NEK9: variants seen among roughly 807,000 people sequenced by gnomAD.
NEK9 encodes NIMA related kinase 9.
NEK9 carries 75 observed loss-of-function variants against 123.4 expected under a neutral mutation model. That is an observed-to-expected ratio of 0.61 (90% confidence interval 0.50 to 0.74). The LOEUF (loss-of-function observed/expected upper bound fraction) is 0.74. NEK9 is among the 30% of genes least tolerant of loss of function. The pLI, the probability that NEK9 is intolerant of heterozygous loss-of-function variation, is 0.00. For synonymous variants in NEK9, 438 were observed against 458.7 expected, an observed-to-expected ratio of 0.95 and a Z score of 0.58; for missense variants, 952 against 1,214.4, an observed-to-expected ratio of 0.78 and a Z score of 3.21.
chr14:75,120,817 G>T (rs1895305991), intron 3 of NEK9: 2 of 585,930 alleles, frequency 3.4e-6, no homozygotes, highest in Admixed American at 3.0e-5. Context: ...GTATGGTAAA[G>T]CAGACATGTA....
upstream of NEK9, chr14:75,127,140 G>T (rs1219617670): frequency 8.4e-6 from 4 of 478,556 alleles, no homozygotes; most frequent in Non-Finnish European, 1.5e-5. Context: ...CTAGTCTAGC[G>T]GCCAAGGCTT....
chr14:75,091,431 C>T lies in NEK9; in HGVS notation c.2281G>A (p.Glu761Lys), dbSNP rs758303771. Residue 761 changes from glutamate (E) to lysine (K), a missense_variant, in exon 19 of 22, where the codon GAA becomes AAA. By Grantham distance (56) the Glu-to-Lys change is moderately conservative. This residue lies in a region of NEK9 where 698 missense variants were observed against 875.6 expected (regional missense o/e 0.80). Transcript: ENST00000238616. ...PGGGGGGGGG[E>K]EEDSQQESET... ...GATTCCTGCTGACTGTCCTCTTCTTCACCACCGCCGCCCCCGCCGCCTCCT... is the reference window on the plus strand; with the variant it reads ...GATTCCTGCTGACTGTCCTCTTCTTTACCACCGCCGCCCCCGCCGCCTCCT... 1 of 1,610,934 alleles carries T rather than the reference C, an allele frequency of 6.2e-7. No individual in the cohort carries two copies. The highest frequency in any genetic ancestry group is 8.5e-7 in the Non-Finnish European group (1 of 1,178,816).
At chr14:75,114,873 T>C (rs1481989975) in intron 6 of NEK9, among the ~76,000 whole-genome samples, 1 of 152,138 alleles carries the variant, frequency 6.6e-6, no homozygotes, top group East Asian at 1.9e-4. Context: ...TATCAATTTA[T>C]ATATGAGAAA....
chr14:75,103,227 G>T (rs1166720665), intron 14 of NEK9, among the ~76,000 whole-genome samples: 1 of 150,720 alleles, frequency 6.6e-6, no homozygotes, highest in Non-Finnish European at 1.5e-5. Context: ...GACAATATCA[G>T]TGGTGAATTT....
intron 8 of NEK9, 85 bp downstream of exon 8, chr14:75,113,254 C>T (rs943609544): frequency 5.8e-6 from 6 of 1,034,348 alleles, no homozygotes; most frequent in Non-Finnish European, 8.9e-6. Context: ...TCAGGAAACA[C>T]TACTCTTTCT....
At position 75,100,128 on chromosome 14, in the gene NEK9, C is replaced by CAAAA. The variant is rs71119346; in HGVS notation, c.2002+860_2002+863dup. Among the ~76,000 whole-genome samples the CAAAA allele has an allele frequency of 9.0e-4, 14 of 15,626 alleles. 6 individuals carry two copies. The highest frequency in any genetic ancestry group is 2.5e-3 in the Admixed American group (2 of 816). 10.3% of individuals were successfully genotyped at this position (15,626 alleles called of 152,430 possible). A position where few individuals can be genotyped will look rare whatever the true frequency, so the allele number is the denominator to read the frequency against. On this transcript the variant is annotated intron_variant, in intron 16 of 21. Coordinates refer to ENST00000238616, the MANE Select transcript of NEK9 (RefSeq NM_033116.6). ...TGGGCAATAGAGCAAGACTCCATCT[C>CAAAA]AAAAAAAAAAAAAAAAAAAAAAAAA...
chr14:75,088,213 A>C (rs1035064727), intron 20 of NEK9, among the ~76,000 whole-genome samples: 1 of 152,174 alleles, frequency 6.6e-6, no homozygotes. Flanking sequence ...GAAAAACTGA[A>C]TTTGAATTTT....
At position 75,102,448 on chromosome 14, in the gene NEK9, C is replaced by T. The variant is rs181931335; in HGVS notation, c.1732-683G>A. ...CTGCAAGCCCCGCCTCCCAGGTTCA[C>T]GCCATTCTCCTGCCTCAGCCTCCCA... On this transcript the variant is annotated intron_variant, in intron 14 of 21. Transcript: ENST00000238616. 5.3e-4 allele frequency among the ~76,000 whole-genome samples: 81 copies of T among 151,984 alleles called. 1 individual carries two copies. The highest frequency in any genetic ancestry group is 1.7e-3 in the African/African-American group (72 of 41,472).
In NEK9 at chr14:75,101,605, A is replaced by C. The variant is rs373461925; in HGVS notation, c.1840+52T>G. Reference sequence around the variant, plus strand: ...TAAAGAAAACCTAATACCTGATAGAATAAAAGAGGCTCAGCTACTAAGGCA... The same window carrying C: ...TAAAGAAAACCTAATACCTGATAGACTAAAAGAGGCTCAGCTACTAAGGCA... On this transcript the variant is annotated intron_variant, in intron 15 of 21. Coordinates refer to ENST00000238616, the MANE Select transcript of NEK9 (RefSeq NM_033116.6). 4.6e-5 allele frequency: 58 copies of C among 1,270,690 alleles called. No homozygotes were observed. The Middle Eastern group carries it at 9.4e-4, about 21-fold the overall frequency. The allele number at this position is 1,270,690 out of a possible 1,614,324, so 78.7% of individuals were successfully genotyped here.
At position 75,117,190 on chromosome 14, in the gene NEK9, C is replaced by T; in HGVS notation, c.762+5G>A. ...ATGCAATATGGGGATAATATGCCAA[C>T]TTACTGTAGCATCAAACGTCCTCTT... On this transcript the variant is annotated splice_donor_5th_base_variant and intron_variant, in intron 6 of 21. Coordinates refer to ENST00000238616, the MANE Select transcript of NEK9 (RefSeq NM_033116.6). 6.2e-7 allele frequency: 1 copy of T among 1,611,700 alleles called. No homozygotes were observed. Among genetic ancestry groups the T allele is most frequent in the Non-Finnish European group, 8.5e-7 (1 of 1,179,366 alleles).
intron 4 of NEK9, 97 bp from the exon 5 acceptor site, chr14:75,119,032 T>C (rs1026018189): frequency 2.7e-6 from 2 of 737,214 alleles, no homozygotes; most frequent in Non-Finnish European, 4.7e-6. Context: ...AAAATGAGTG[T>C]GGGCCGGGTA....
chr14:75,115,791 A>G (rs1047665426), intron 6 of NEK9, among the ~76,000 whole-genome samples: 1 of 152,164 alleles, frequency 6.6e-6, no homozygotes, highest in Non-Finnish European at 1.5e-5. Flanking sequence ...CCCCAAAAAA[A>G]TCTGCATTTC....
chr14:75,111,505 G>A (rs896573462), intron 8 of NEK9, among the ~76,000 whole-genome samples: 1 of 152,152 alleles, frequency 6.6e-6, no homozygotes, highest in African/African-American at 2.4e-5. Flanking sequence ...AAAGTACAAA[G>A]TTCCAACAAA....
intron 9 of NEK9, 101 bp downstream of exon 9, chr14:75,110,220 A>G: frequency 3.5e-6 from 3 of 866,340 alleles, no homozygotes; most frequent in Non-Finnish European, 5.6e-6. Flanking sequence ...TCCTGAAAGG[A>G]TGCCAAAGTA....
chr14:75,119,257 G>A (rs113942710), intron 4 of NEK9, among the ~76,000 whole-genome samples: 231 of 151,704 alleles, frequency 1.5e-3, no homozygotes, highest in African/African-American at 5.3e-3. Context: ...AGGCTGCAGT[G>A]AGTCATGATT....
At chr14:75,103,054 A>G (rs1273676171) in intron 14 of NEK9, among the ~76,000 whole-genome samples, 1 of 142,846 alleles carries the variant, frequency 7.0e-6, no homozygotes, top group Non-Finnish European at 1.5e-5. Context: ...AGGGTGGGGG[A>G]AGGGGGGAGG....
chr14:75,121,118 C>A lies in NEK9; in HGVS notation c.453+1G>T. On this transcript the variant is annotated splice_donor_variant, in intron 3 of 21. Coordinates refer to ENST00000238616, the MANE Select transcript of NEK9 (RefSeq NM_033116.6). LOFTEE classifies it high-confidence loss of function. Reference sequence around the variant, plus strand: ...CTTCCTTCCACAGAAATATGAATTACCTCTTCCTCAAACAACTTGTCCTTC... The same window carrying A: ...CTTCCTTCCACAGAAATATGAATTAACTCTTCCTCAAACAACTTGTCCTTC... 1 of 1,609,892 alleles carries A rather than the reference C, an allele frequency of 6.2e-7. No individual in the cohort carries two copies. Among genetic ancestry groups the A allele is most frequent in the Non-Finnish European group, 8.5e-7 (1 of 1,176,166 alleles).
intron 19 of NEK9, among the ~76,000 whole-genome samples, chr14:75,090,047 G>C (rs970279425): frequency 6.6e-6 from 1 of 151,970 alleles, no homozygotes; most frequent in Non-Finnish European, 1.5e-5. Context: ...TGGCCAGGCT[G>C]TTCTCAAACT....
intron 1 of NEK9, among the ~76,000 whole-genome samples, chr14:75,124,596 C>A (rs191488657): frequency 3.1e-4 from 47 of 152,184 alleles, no homozygotes; most frequent in African/African-American, 9.6e-4. Context: ...GAGCAATTAT[C>A]TATAGCTGGT....
Sources: gnomAD v4.1 joint callset for allele counts (sites outside exome capture counted in the v4.1 genomes callset) on GRCh38, gnomAD v4.1.1 for gene constraint, gnomAD v4.1.1 regional missense constraint, MANE v1.5 for transcripts, NCBI Gene and HGNC (gene_info 2026-07-23, HGNC 2026-07-21) for gene names.